Variants in SLC22A4 observed in about 807,000 individuals in gnomAD.
The protein encoded by SLC22A4 is solute carrier family 22 member 4.
A neutral mutation model predicts 56.6 loss-of-function variants in SLC22A4; 39 were observed. The observed-to-expected ratio is 0.69, with a 90% CI of 0.53 to 0.90. The LOEUF is 0.90. SLC22A4 is among the 40% of genes least tolerant of loss of function. SLC22A4 has a pLI of 0.00. For missense variants in SLC22A4, 594 were observed against 696.5 expected (o/e 0.85, Z 1.66); for synonymous variants, 241 against 281.4 (o/e 0.86, Z 1.44).
intron 1 of SLC22A4, among the ~76,000 whole-genome samples, chr5:132,297,156 A>G (rs1749798524): frequency 1.3e-5 from 2 of 152,112 alleles, no homozygotes; most frequent in African/African-American, 4.8e-5. Context: ...CGTCTCTACT[A>G]AAAATACAAA....
intron 8 of SLC22A4, among the ~76,000 whole-genome samples, chr5:132,337,880 C>T (rs1249624338): frequency 3.3e-5 from 5 of 150,214 alleles, no homozygotes; most frequent in Admixed American, 6.7e-5. Context: ...GGACTACAGG[C>T]GCATGCCACC....
intron 1 of SLC22A4, among the ~76,000 whole-genome samples, chr5:132,308,537 G>A (rs1203014458): frequency 2.6e-5 from 4 of 151,752 alleles, no homozygotes; most frequent in African/African-American, 9.7e-5. Context: ...ATAATACACG[G>A]CACTCAGTGA....
At chr5:132,325,182 A>C (rs1280457522) in intron 4 of SLC22A4, among the ~76,000 whole-genome samples, 1 of 152,204 alleles carries the variant, frequency 6.6e-6, no homozygotes, top group Non-Finnish European at 1.5e-5. Flanking sequence ...TCTAAGCATA[A>C]TCTGGTTGGA....
intron 1 of SLC22A4, among the ~76,000 whole-genome samples, chr5:132,296,947 A>G (rs1749793065): frequency 6.6e-6 from 1 of 152,132 alleles, no homozygotes; most frequent in Non-Finnish European, 1.5e-5. Flanking sequence ...ACACATTCAC[A>G]CACATGCACC....
chr5:132,332,387 C>G (rs1363582535), intron 6 of SLC22A4: 1 of 158,666 alleles, frequency 6.3e-6, no homozygotes, highest in African/African-American at 2.4e-5. Context: ...TTCCCTTCCC[C>G]CTCCTAAAGT....
At chr5:132,322,124 T>C (rs1750559492) in intron 3 of SLC22A4, 60 bp from the exon 4 acceptor site, 1 of 1,453,758 alleles carries the variant, frequency 6.9e-7, no homozygotes, top group African/African-American at 1.4e-5. Context: ...CACATAATGA[T>C]ATAAAAAGCA....
chr5:132,299,682 G>A (rs1749865051), intron 1 of SLC22A4, among the ~76,000 whole-genome samples: 1 of 152,126 alleles, frequency 6.6e-6, no homozygotes, highest in South Asian at 2.1e-4. Flanking sequence ...TCGAACTCCT[G>A]ACCTAAGGTG....
intron 1 of SLC22A4, among the ~76,000 whole-genome samples, chr5:132,298,572 C>CT (rs1749831550): frequency 6.6e-6 from 1 of 152,222 alleles, no homozygotes; most frequent in Non-Finnish European, 1.5e-5. Context: ...GAACTGTACA[C>CT]TTAAAAATGG....
At chr5:132,313,322 A>G (rs140469866) in intron 2 of SLC22A4, among the ~76,000 whole-genome samples, 148 of 152,320 alleles carry the variant, frequency 9.7e-4, no homozygotes, top group Admixed American at 1.6e-3. Flanking sequence ...TGCTGGTAGC[A>G]TCTATCTGTG....
intron 3 of SLC22A4, among the ~76,000 whole-genome samples, chr5:132,318,271 A>G (rs1343682276): frequency 1.3e-5 from 2 of 152,172 alleles, no homozygotes; most frequent in African/African-American, 4.8e-5. Flanking sequence ...CTTGATCAGG[A>G]TAAAGAATAA....
Position 132,331,764 on chromosome 5 carries a change from T to G in SLC22A4, c.960T>G (p.Asn320Lys). The change falls in exon 6 of 10, where the codon AAT becomes AAG. Residue 320 changes from asparagine (N) to lysine (K), a missense_variant. Coordinates refer to ENST00000200652, the MANE Select transcript of SLC22A4 (RefSeq NM_003059.3). ...CATTATTTTGGTTACAGGAGCTAAA[T>G]CCCCTGAAGCAGCAGAAAGCTTTCA... Reference protein sequence around the residue: ...AVIFDSVEELNPLKQQKAFIL... With the variant: ...AVIFDSVEELKPLKQQKAFIL... 1.2e-6 allele frequency: 2 copies of G among 1,611,760 alleles called. No homozygotes were observed. The highest frequency in any genetic ancestry group is 1.7e-6 in the Non-Finnish European group (2 of 1,177,854).
At chr5:132,339,286 G>T (rs73787146) in intron 8 of SLC22A4, among the ~76,000 whole-genome samples, 66 of 152,172 alleles carry the variant, frequency 4.3e-4, no homozygotes, top group African/African-American at 1.6e-3. Flanking sequence ...TCTTTGTAAT[G>T]AAGACAATTT....
At chr5:132,323,239 T>C (rs922250806) in intron 4 of SLC22A4, among the ~76,000 whole-genome samples, 1 of 152,218 alleles carries the variant, frequency 6.6e-6, no homozygotes, top group African/African-American at 2.4e-5. Context: ...TGCTTACACA[T>C]AACACAAGCT....
At chr5:132,329,910 G>A (rs985991891) in intron 5 of SLC22A4, among the ~76,000 whole-genome samples, 67 of 152,304 alleles carry the variant, frequency 4.4e-4, no homozygotes, top group African/African-American at 1.6e-3. Context: ...CAAGCCCAGG[G>A]AGGAACCTGG....
At chr5:132,295,083 C>T in intron 1 of SLC22A4, 74 bp downstream of exon 1, 1 of 1,487,296 alleles carries the variant, frequency 6.7e-7, no homozygotes, top group South Asian at 1.2e-5. Flanking sequence ...TTGAGACTCC[C>T]TGCGCAGTGC....
At chr5:132,315,450 G>C (rs989567420) in intron 3 of SLC22A4, among the ~76,000 whole-genome samples, 1 of 152,170 alleles carries the variant, frequency 6.6e-6, no homozygotes, top group African/African-American at 2.4e-5. Flanking sequence ...TGCCTTTTTA[G>C]TGGCACAGGG....
intron 2 of SLC22A4, 31 bp downstream of exon 2, chr5:132,312,295 T>C: frequency 7.6e-7 from 1 of 1,322,158 alleles, no homozygotes; most frequent in Non-Finnish European, 1.1e-6. Context: ...GAAGGTGGGA[T>C]GGTGCCCCTT....
chr5:132,306,220 C>G (rs1750024514), intron 1 of SLC22A4, among the ~76,000 whole-genome samples: 1 of 151,324 alleles, frequency 6.6e-6, no homozygotes, highest in African/African-American at 2.4e-5. Flanking sequence ...CCAACAATTT[C>G]ACTACTATGT....
intron 5 of SLC22A4, among the ~76,000 whole-genome samples, chr5:132,328,741 T>C (rs1750756375): frequency 6.6e-6 from 1 of 151,354 alleles, no homozygotes; most frequent in Admixed American, 6.6e-5. Context: ...ATGACAGCAA[T>C]CATAAAATAG....
Sources: allele counts gnomAD v4.1 joint callset (sites outside exome capture counted in the v4.1 genomes callset), GRCh38; gene constraint gnomAD v4.1.1; transcripts MANE v1.5; gene names NCBI Gene and HGNC (gene_info 2026-07-23, HGNC 2026-07-21).